TRABD: variants seen among roughly 807,000 people sequenced by gnomAD.
TRABD encodes TraB domain containing, also known as traB domain-containing protein.
TRABD carries 23 observed loss-of-function variants against 39.6 expected under a neutral mutation model. That is an observed-to-expected ratio of 0.58 (90% CI 0.42 to 0.82). The LOEUF (loss-of-function observed/expected upper bound fraction) is 0.82. Among genes scored for constraint, TRABD ranks in the 40% least tolerant of loss-of-function variants. The pLI is 0.00. For missense variants in TRABD, 487 were observed against 544.9 expected (o/e 0.89, Z 1.06); for synonymous variants, 243 against 232.1 (o/e 1.05, Z -0.43).
intron 5 of TRABD, 50 bp from the exon 6 acceptor site, chr22:50,197,191 G>GCGGGGGGGGGGGCC: frequency 6.4e-7 from 1 of 1,553,438 alleles, no homozygotes; most frequent in African/African-American, 1.4e-5. Context: ...TTCCCCCAGC[G>GCGGGGGGGGGGGCC]CACCCCCGCA....
chr22:50,197,766 C>A, intron 7 of TRABD, 57 bp from the exon 8 acceptor site: 2 of 925,766 alleles, frequency 2.2e-6, no homozygotes, highest in Non-Finnish European at 3.4e-6. Context: ...CAGTGCCAGC[C>A]CCACCCCCCC....
chr22:50,190,584 T>C (rs2063872847), intron 1 of TRABD: 1 of 152,240 alleles, frequency 6.6e-6, no homozygotes, highest in South Asian at 2.1e-4. Flanking sequence ...CAGGAGTTTC[T>C]TTAAGGAGTT....
rs1455380460 is a variant in TRABD, at chr22:50,187,995, G to A, written c.-35+2019G>A. Among the ~76,000 whole-genome samples, 3 of 150,958 alleles carry A rather than the reference G, an allele frequency of 2.0e-5. No individual in the cohort carries two copies. The East Asian group carries it at 5.8e-4, about 29-fold the overall frequency. ...ACTCTGTCTCAAAAACAAAAATGAG[G>A]TCTTGGCCTGGCGCAGTGGCTCACA... On this transcript the variant is annotated intron_variant, in intron 1 of 9. Transcript: ENST00000380909.
intron 1 of TRABD, among the ~76,000 whole-genome samples, chr22:50,190,888 G>A (rs900325095): frequency 6.6e-5 from 10 of 152,240 alleles, no homozygotes; most frequent in Non-Finnish European, 1.5e-4. Flanking sequence ...TGCTGTGACC[G>A]GTGCCAGCTG....
In TRABD at chr22:50,198,161, G is replaced by C. The variant is rs746465807; in HGVS notation, c.931G>C (p.Asp311His). The change falls in exon 9 of 10, where the codon GAC becomes CAC. Residue 311 changes from aspartate to histidine, a missense_variant. This residue lies in a region of TRABD where 123 missense variants were observed against 108.3 expected (regional missense o/e 1.14). Coordinates refer to ENST00000380909, the MANE Select transcript of TRABD (RefSeq NM_001320485.2). This position sits in a 1 kb window ranked among gnomAD's most constrained non-coding sequence, Gnocchi z 7.9. ...TGGCATCGAGAAGAACTGGAGCACC[G>C]ACCTCAACATCCAGGAGATCATGAC... ...VPGIEKNWST[D>H]LNIQEIMTVP... is the part of the protein sequence containing the mutation. 1 of 1,611,932 alleles carries C rather than the reference G, an allele frequency of 6.2e-7. No individual in the cohort carries two copies. The highest frequency in any genetic ancestry group is 1.7e-5 in the Admixed American group (1 of 59,926).
Position 50,198,622 on chromosome 22 carries a change from C to A in TRABD, c.*103C>A. The A allele has an allele frequency of 8.0e-7, 1 of 1,247,396 alleles. No individual in the cohort carries two copies. Among genetic ancestry groups the A allele is most frequent in the African/African-American group, 1.5e-5 (1 of 64,750 alleles). 77.3% of individuals were successfully genotyped at this position (1,247,396 alleles called of 1,614,324 possible). On this transcript the variant is annotated 3_prime_UTR_variant, in exon 10 of 10. Coordinates refer to ENST00000380909, the MANE Select transcript of TRABD (RefSeq NM_001320485.2). This position sits in a 1 kb window ranked among gnomAD's most constrained non-coding sequence, Gnocchi z 7.9. ...CCCGCCCGAGGCCCCTGCCACCCCCCATGGGGGTCTGGGCCCGGCCTCGCC... is the reference window on the plus strand; with the variant it reads ...CCCGCCCGAGGCCCCTGCCACCCCCAATGGGGGTCTGGGCCCGGCCTCGCC...
rs373985352 is a variant in TRABD, at chr22:50,193,017, C to T, written c.-34-10C>T. 4.2e-4 allele frequency: 654 copies of T among 1,542,556 alleles called. No homozygotes were observed. The highest frequency in any genetic ancestry group is 5.4e-4 in the Non-Finnish European group (615 of 1,146,810). ...CAGGTGGAAACCCCGCCTCTCATGC[C>T]TCTCCTCAGGCTCCCCACAGGTGCA... On this transcript the variant is annotated splice_polypyrimidine_tract_variant and intron_variant, in intron 1 of 9. Coordinates refer to ENST00000380909, the MANE Select transcript of TRABD (RefSeq NM_001320485.2).
rs1276815239 is a variant in TRABD, at chr22:50,198,955, G to A, written c.*436G>A. 1.7e-6 allele frequency: 1 copy of A among 605,476 alleles called. No homozygotes were observed. The highest frequency in any genetic ancestry group is 3.0e-6 in the Non-Finnish European group (1 of 332,068). 37.5% of individuals were successfully genotyped at this position (605,476 alleles called of 1,614,324 possible). A position where few individuals can be genotyped will look rare whatever the true frequency, so the allele number is the denominator to read the frequency against. ...CTCCTGGGGGCTCCAGGGCAGGCGA[G>A]ACTGGGAAAGGCCCAGCCCTGGAGC... On this transcript the variant is annotated 3_prime_UTR_variant, in exon 10 of 10. Transcript: ENST00000380909. The surrounding 1 kb of genome is among the most constrained non-coding windows in gnomAD (Gnocchi z 7.9).
intron 5 of TRABD, among the ~76,000 whole-genome samples, chr22:50,196,304 T>A (rs1020951622): frequency 2.6e-5 from 4 of 152,080 alleles, no homozygotes; most frequent in African/African-American, 9.7e-5. Flanking sequence ...CTCCCCAGGG[T>A]GGCCTGGGCC....
chr22:50,197,489 G>A lies in TRABD; in HGVS notation c.572G>A (p.Arg191Gln), dbSNP rs1310694249. The A allele has an allele frequency of 4.3e-6, 7 of 1,613,708 alleles. No individual in the cohort carries two copies. Among genetic ancestry groups the A allele is most frequent in the African/African-American group, 1.3e-5 (1 of 74,910 alleles). ...VPFCKFHLGD[R>Q]PIPVTFKRAI... Reference sequence around the variant, plus strand: ...TTCTGCAAGTTCCACCTGGGTGACCGACCCATCCCCGTCACCTTCAAGAGG... The same window carrying A: ...TTCTGCAAGTTCCACCTGGGTGACCAACCCATCCCCGTCACCTTCAAGAGG... The change falls in exon 7 of 10, where the codon CGA becomes CAA. Residue 191 changes from arginine to glutamine, a missense_variant. Around this residue, in one of 3 missense-constraint regions of TRABD, gnomAD observed 358 missense variants for 414.7 expected, o/e 0.86. Coordinates refer to ENST00000380909, the MANE Select transcript of TRABD (RefSeq NM_001320485.2).
intron 4 of TRABD, 51 bp downstream of exon 4, chr22:50,194,557 G>T: frequency 6.4e-7 from 1 of 1,553,340 alleles, no homozygotes; most frequent in South Asian, 1.2e-5. Context: ...GTAAGCTCCT[G>T]TGTCCTGCAC....
At chr22:50,187,916 C>A (rs926471922) in intron 1 of TRABD, among the ~76,000 whole-genome samples, 7 of 150,308 alleles carry the variant, frequency 4.7e-5, no homozygotes, top group Non-Finnish European at 1.0e-4. Context: ...GGAGGCAGAG[C>A]TTGCAGTGAG....
At chr22:50,194,586 G>GGCCCGTGT in intron 4 of TRABD, 80 bp downstream of exon 4, 1 of 1,538,480 alleles carries the variant, frequency 6.5e-7, no homozygotes, top group Admixed American at 2.1e-5. Flanking sequence ...CTCCCGGCAG[G>GGCCCGTGT]GCCCGTGTGC....
intron 7 of TRABD, 59 bp from the exon 8 acceptor site, chr22:50,197,764 G>GGGGCCCCCCCCCCCC: frequency 7.8e-7 from 1 of 1,284,788 alleles, no homozygotes; most frequent in Non-Finnish European, 1.1e-6. Context: ...CACAGTGCCA[G>GGGGCCCCCCCCCCCC]CCCCACCCCC....
At chr22:50,186,318 G>T (rs551921290) in intron 1 of TRABD, among the ~76,000 whole-genome samples, 3 of 141,222 alleles carry the variant, frequency 2.1e-5, no homozygotes, top group East Asian at 2.1e-4. Flanking sequence ...CAGGTCGTTG[G>T]GGGGGCCAGG....
chr22:50,188,255 C>T (rs1046164051), intron 1 of TRABD, among the ~76,000 whole-genome samples: 1 of 151,576 alleles, frequency 6.6e-6, no homozygotes, highest in Non-Finnish European at 1.5e-5. Context: ...GCACTCCAGC[C>T]TGGGCGACAG....
chr22:50,195,346 C>CG (rs1329941261), intron 5 of TRABD, among the ~76,000 whole-genome samples: 2 of 152,118 alleles, frequency 1.3e-5, no homozygotes, highest in Admixed American at 6.5e-5. Flanking sequence ...GGTTGGCCCC[C>CG]CCGGTACCAC....
Position 50,198,364 on chromosome 22 carries a change from T to C in TRABD, c.976T>C (p.Ser326Pro). ...EIMTVPPPSV[S>P]GRVSRLAVKA... ...CCACAGCGTGCCCCCGCCGTCCGTC[T>C]CCGGCAGAGTGTCTCGGTTGGCCGT... The change falls in exon 10 of 10, where the codon TCC (serine) becomes CCC (proline). Residue 326 changes from serine to proline, a missense_variant. Ser to Pro is a moderately conservative substitution (Grantham distance 74). Transcript: ENST00000380909. The surrounding 1 kb of genome is among the most constrained non-coding windows in gnomAD (Gnocchi z 7.9). 6.3e-7 allele frequency: 1 copy of C among 1,581,882 alleles called. No homozygotes were observed. Among genetic ancestry groups the C allele is most frequent in the Non-Finnish European group, 8.6e-7 (1 of 1,168,976 alleles).
At position 50,197,494 on chromosome 22, in the gene TRABD, A is replaced by G; in HGVS notation, c.577A>G (p.Ile193Val). 6.2e-7 allele frequency: 1 copy of G among 1,613,832 alleles called. No homozygotes were observed. Among genetic ancestry groups the G allele is most frequent in the Non-Finnish European group, 8.5e-7 (1 of 1,180,012 alleles). The change falls in exon 7 of 10, where the codon ATC becomes GTC. Residue 193 changes from isoleucine (I) to valine (V), a missense_variant. Around this residue, in one of 3 missense-constraint regions of TRABD, gnomAD observed 358 missense variants for 414.7 expected, o/e 0.86. Coordinates refer to ENST00000380909, the MANE Select transcript of TRABD (RefSeq NM_001320485.2). ...CAAGTTCCACCTGGGTGACCGACCC[A>G]TCCCCGTCACCTTCAAGAGGGCCAT... ...FCKFHLGDRPIPVTFKRAIAA... is the reference protein window; with the variant it reads ...FCKFHLGDRPVPVTFKRAIAA...
Sources: gnomAD v4.1 joint callset for allele counts (sites outside exome capture counted in the v4.1 genomes callset) on GRCh38, gnomAD v4.1.1 for gene constraint, gnomAD v4.1.1 regional missense constraint, Gnocchi (gnomAD v3.1) non-coding constraint, MANE v1.5 for transcripts, NCBI Gene and HGNC (gene_info 2026-07-23, HGNC 2026-07-21) for gene names.